The following ADAMTS16 variants were observed in gnomAD, a reference collection of about 807,000 sequenced individuals.
ADAMTS16 encodes A disintegrin and metalloproteinase with thrombospondin motifs 16.
A neutral mutation model predicts 145.8 loss-of-function variants in ADAMTS16; 94 were observed. The observed-to-expected ratio is 0.64, with a 90% confidence interval of 0.55 to 0.77. The LOEUF (loss-of-function observed/expected upper bound fraction) is 0.77. Ranked by LOEUF, ADAMTS16 falls within the 30% of genes least tolerant of loss-of-function variation. The pLI, the probability that ADAMTS16 is intolerant of heterozygous loss-of-function variation, is 0.00. For synonymous variants in ADAMTS16, 659 were observed against 604.3 expected, an observed-to-expected ratio of 1.09 and a Z score of -1.33; for missense variants, 1,585 against 1,591.5, an observed-to-expected ratio of 1.00 and a Z score of 0.07.
At chr5:5,285,812 A>G (rs570909672) in intron 18 of ADAMTS16, among the ~76,000 whole-genome samples, 6 of 152,314 alleles carry the variant, frequency 3.9e-5, no homozygotes, top group Non-Finnish European at 8.8e-5. Flanking sequence ...AACAAACCAT[A>G]TATTAGATAT....
At chr5:5,315,657 C>A (rs377736160) in intron 21 of ADAMTS16, among the ~76,000 whole-genome samples, 1 of 152,222 alleles carries the variant, frequency 6.6e-6, no homozygotes, top group Non-Finnish European at 1.5e-5. Context: ...AGGTTCTCGG[C>A]GCACTGTGTG....
chr5:5,298,487 G>A (rs1000968443), intron 18 of ADAMTS16, among the ~76,000 whole-genome samples: 1 of 67,506 alleles, frequency 1.5e-5, no homozygotes, highest in Non-Finnish European at 3.8e-5. Flanking sequence ...CGAGGAGGAT[G>A]GCAAGTAATA....
rs143046364 is a variant in ADAMTS16, at chr5:5,186,299, A to AGGGG, written c.963+51_963+52insGGGG. 2.7e-4 allele frequency: 279 copies of AGGGG among 1,041,156 alleles called. 5 individuals carry two copies. Among genetic ancestry groups the AGGGG allele is most frequent in the African/African-American group, 1.7e-3 (99 of 58,898 alleles). The allele number at this position is 1,041,156 out of a possible 1,614,324, so 64.5% of individuals were successfully genotyped here. ...GGCCACCTGTGTCATTGCACTTCGT[A>AGGGG]GGGTGTGTGTGTGTGTGTGTGTGTG... On this transcript the variant is annotated intron_variant, in intron 5 of 22. Coordinates refer to ENST00000274181, the MANE Select transcript of ADAMTS16 (RefSeq NM_139056.4).
At chr5:5,180,955 T>C (rs1735322874) in intron 3 of ADAMTS16, among the ~76,000 whole-genome samples, 5 of 152,352 alleles carry the variant, frequency 3.3e-5, no homozygotes, top group African/African-American at 9.6e-5. Context: ...ATTATAATTA[T>C]CATCAGTACG....
At chr5:5,212,201 T>G (rs201888358) in intron 10 of ADAMTS16, among the ~76,000 whole-genome samples, 22,476 of 131,592 alleles carry the variant, frequency 0.17, 2,316 homozygotes, top group Middle Eastern at 0.23. Flanking sequence ...TTTTTTTTGT[T>G]TTGTTTTGTT....
rs1736203337 is a variant in ADAMTS16, at chr5:5,209,011, G to A, written c.1452-82G>A. 1.4e-5 allele frequency: 21 copies of A among 1,452,338 alleles called. No individual in the cohort carries two copies. In the South Asian group the frequency reaches 3.0e-4, roughly 20 times the overall value. The allele number at this position is 1,452,338 out of a possible 1,614,324, so 90.0% of individuals were successfully genotyped here. ...CACAATATATGTTGTAAAATTACAT[G>A]GGGGAGAAAGGCATAATTAGTTGTA... On this transcript the variant is annotated intron_variant, in intron 9 of 22. Transcript: ENST00000274181.
intron 6 of ADAMTS16, among the ~76,000 whole-genome samples, chr5:5,188,616 C>G (rs1356813123): frequency 6.6e-6 from 1 of 152,172 alleles, no homozygotes; most frequent in Non-Finnish European, 1.5e-5. Context: ...TTTTCAGAGT[C>G]TCCTTTTAGC....
At chr5:5,267,747 G>A (rs1413286940) in intron 18 of ADAMTS16, among the ~76,000 whole-genome samples, 1 of 152,178 alleles carries the variant, frequency 6.6e-6, no homozygotes, top group Admixed American at 6.5e-5. Context: ...CTTGCAAAAT[G>A]CAACATTTGG....
At chr5:5,143,876 A>G (rs1215566755) in intron 2 of ADAMTS16, among the ~76,000 whole-genome samples, 4 of 152,210 alleles carry the variant, frequency 2.6e-5, no homozygotes, top group Non-Finnish European at 4.4e-5. Context: ...AAACTAACAC[A>G]GGAACAGAAA....
intron 22 of ADAMTS16, 92 bp downstream of exon 22, chr5:5,318,373 C>T: frequency 1.6e-6 from 2 of 1,221,090 alleles, no homozygotes; most frequent in Non-Finnish European, 2.1e-6. Context: ...GAGTTAGGGT[C>T]TTGCGTCTGA....
chr5:5,276,104 CCATCT>C (rs759815600), intron 18 of ADAMTS16, among the ~76,000 whole-genome samples: 136,916 of 151,552 alleles, frequency 0.9, 62,765 homozygotes, highest in East Asian at 1. Flanking sequence ...GGTGATCCAC[CCATCT>C]TGGCCTCCCA....
intron 17 of ADAMTS16, among the ~76,000 whole-genome samples, chr5:5,259,048 G>A (rs867865241): frequency 5.3e-5 from 8 of 152,220 alleles, no homozygotes; most frequent in South Asian, 2.1e-4. Flanking sequence ...CCCACCCCTC[G>A]GTACCCGTGT....
chr5:5,257,792 A>G (rs10053990), intron 17 of ADAMTS16, among the ~76,000 whole-genome samples: 145,508 of 152,172 alleles, frequency 0.96, 69,790 homozygotes, highest in Non-Finnish European at 1. Context: ...ACTCCAGAGG[A>G]TTAAGAGCTC....
rs140047978 is a variant in ADAMTS16 at position 5,319,598 on chromosome 5, G to A, written c.*460G>A. The A allele has an allele frequency of 6.3e-3, 1,880 of 299,928 alleles. 37 individuals carry two copies. The highest frequency in any genetic ancestry group is 0.039 in the African/African-American group (1,719 of 44,534). The allele number at this position is 299,928 out of a possible 1,614,324, so 18.6% of individuals were successfully genotyped here. On this transcript the variant is annotated 3_prime_UTR_variant, in exon 23 of 23. Transcript: ENST00000274181. ...CCCTCCCACTAGGAGGGCCCCTCGA[G>A]CCATCAGGAGTGACCAACTTCCTGG...
chr5:5,288,449 A>G (rs1739181860), intron 18 of ADAMTS16, among the ~76,000 whole-genome samples: 1 of 152,192 alleles, frequency 6.6e-6, no homozygotes, highest in Non-Finnish European at 1.5e-5. Flanking sequence ...TATGTGCATA[A>G]TGACTAAGGG....
chr5:5,174,698 T>C (rs989202028), intron 3 of ADAMTS16, among the ~76,000 whole-genome samples: 1 of 152,216 alleles, frequency 6.6e-6, no homozygotes, highest in Non-Finnish European at 1.5e-5. Flanking sequence ...GCTCATTAAC[T>C]CTTTCTTCTG....
chr5:5,144,522 T>A (rs538216445), intron 2 of ADAMTS16, among the ~76,000 whole-genome samples: 60 of 152,350 alleles, frequency 3.9e-4, no homozygotes, highest in African/African-American at 1.4e-3. Flanking sequence ...TTTTACCTCA[T>A]TACAAATAAT....
chr5:5,301,285 G>A (rs1739757667), intron 18 of ADAMTS16, among the ~76,000 whole-genome samples: 1 of 152,106 alleles, frequency 6.6e-6, no homozygotes, highest in Non-Finnish European at 1.5e-5. Flanking sequence ...CTGGTCTCAA[G>A]CTCCTAGGCT....
intron 3 of ADAMTS16, among the ~76,000 whole-genome samples, chr5:5,159,154 G>A (rs1734679372): frequency 6.6e-6 from 1 of 152,228 alleles, no homozygotes; most frequent in South Asian, 2.1e-4. Flanking sequence ...GAAGGACTGT[G>A]GAAGTCATTC....
Sources: gnomAD v4.1 joint callset for allele counts (sites outside exome capture counted in the v4.1 genomes callset) on GRCh38, gnomAD v4.1.1 for gene constraint, MANE v1.5 for transcripts, NCBI Gene and HGNC (gene_info 2026-07-23, HGNC 2026-07-21) for gene names.